Variants in ADAMTS12 observed in about 807,000 individuals in gnomAD.
ADAMTS12 encodes ADAM metallopeptidase with thrombospondin type 1 motif 12.
ADAMTS12 carries 118 observed loss-of-function variants against 167.8 expected under a neutral mutation model. That is an observed-to-expected ratio of 0.70 (90% CI 0.61 to 0.82). The LOEUF is 0.82. Ranked by LOEUF, ADAMTS12 falls within the 40% of genes least tolerant of loss-of-function variation. The pLI is 0.00. For synonymous variants in ADAMTS12, 704 were observed against 716.9 expected (o/e 0.98, Z 0.29); for missense variants, 1,916 against 1,998.8 (o/e 0.96, Z 0.79).
intron 2 of ADAMTS12, among the ~76,000 whole-genome samples, chr5:33,773,360 T>C (rs2112428967): frequency 6.6e-6 from 1 of 152,300 alleles, no homozygotes; most frequent in South Asian, 2.1e-4. Context: ...TTTTCACTCT[T>C]CTCACATAGG....
At chr5:33,773,456 T>A (rs1219679137) in intron 2 of ADAMTS12, among the ~76,000 whole-genome samples, 2 of 152,204 alleles carry the variant, frequency 1.3e-5, no homozygotes, top group Non-Finnish European at 2.9e-5. Flanking sequence ...GCCTGACATG[T>A]GCTCTAGGCA....
intron 2 of ADAMTS12, among the ~76,000 whole-genome samples, chr5:33,791,996 T>G (rs1365630817): frequency 1.7e-5 from 1 of 59,212 alleles, no homozygotes; most frequent in African/African-American, 9.9e-5. Context: ...GCTTTCACAC[T>G]TTTTTTTTTT....
chr5:33,679,314 C>A (rs761445685), intron 5 of ADAMTS12, among the ~76,000 whole-genome samples: 1 of 152,214 alleles, frequency 6.6e-6, no homozygotes, highest in Non-Finnish European at 1.5e-5. Context: ...CTATAAAGAA[C>A]TGCCCAAGAC....
intron 2 of ADAMTS12, among the ~76,000 whole-genome samples, chr5:33,760,025 C>T (rs190578248): frequency 5.3e-5 from 8 of 152,236 alleles, no homozygotes; most frequent in South Asian, 2.1e-4. Flanking sequence ...AGGAGCCCTG[C>T]GCAGAGATTC....
At chr5:33,550,375 A>C (rs937272946) in intron 20 of ADAMTS12, among the ~76,000 whole-genome samples, 2 of 152,150 alleles carry the variant, frequency 1.3e-5, no homozygotes, top group African/African-American at 4.8e-5. Flanking sequence ...CCTTCTGCTT[A>C]TCTTCCCTCT....
At chr5:33,576,015 T>G (rs1339310163) in intron 19 of ADAMTS12, 39 bp downstream of exon 19, 1 of 1,561,034 alleles carries the variant, frequency 6.4e-7, no homozygotes, top group Non-Finnish European at 8.6e-7. Flanking sequence ...CCTAGCTTTT[T>G]TCCATGTAAA....
chr5:33,807,107 T>C (rs1220381604), intron 2 of ADAMTS12, among the ~76,000 whole-genome samples: 1 of 152,242 alleles, frequency 6.6e-6, no homozygotes, highest in East Asian at 1.9e-4. Context: ...CTAACCATTT[T>C]TCTCCTTTCT....
At chr5:33,804,430 AC>A (rs1039402989) in intron 2 of ADAMTS12, among the ~76,000 whole-genome samples, 3 of 152,012 alleles carry the variant, frequency 2.0e-5, no homozygotes, top group African/African-American at 7.3e-5. Flanking sequence ...CCTGAGCCCA[AC>A]CCTGCATGAG....
chr5:33,737,932 AAAC>A (rs1744427139), intron 3 of ADAMTS12, among the ~76,000 whole-genome samples: 1 of 152,208 alleles, frequency 6.6e-6, no homozygotes. Context: ...GAGAAAATAG[AAAC>A]AAGAAGTAAC....
At chr5:33,756,809 A>G (rs1404540924) in intron 2 of ADAMTS12, among the ~76,000 whole-genome samples, 1 of 152,184 alleles carries the variant, frequency 6.6e-6, no homozygotes, top group Non-Finnish European at 1.5e-5. Context: ...GGTATCAGGG[A>G]TACAGCAACA....
chr5:33,649,732 C>G (rs746826167), intron 7 of ADAMTS12, 35 bp from the exon 8 acceptor site: 3 of 1,608,614 alleles, frequency 1.9e-6, no homozygotes, highest in Admixed American at 1.7e-5. Context: ...GAAGAGCCAG[C>G]AGGCAGGCAT....
At chr5:33,657,646 T>G (rs1025663725) in intron 7 of ADAMTS12, among the ~76,000 whole-genome samples, 1 of 152,190 alleles carries the variant, frequency 6.6e-6, no homozygotes, top group Non-Finnish European at 1.5e-5. Context: ...TTATAGTCTT[T>G]CCAAATTTAC....
chr5:33,553,101 A>G (rs112155094), intron 20 of ADAMTS12, among the ~76,000 whole-genome samples: 31 of 152,252 alleles, frequency 2.0e-4, no homozygotes, highest in African/African-American at 7.0e-4. Flanking sequence ...GCGGTCAACA[A>G]TCACATGAAA....
At chr5:33,626,800 G>C (rs540564929) in intron 13 of ADAMTS12, among the ~76,000 whole-genome samples, 82 of 147,388 alleles carry the variant, frequency 5.6e-4, no homozygotes, top group African/African-American at 2.0e-3. Context: ...GTGGTGATGC[G>C]GTAGGGTAGT....
intron 12 of ADAMTS12, among the ~76,000 whole-genome samples, chr5:33,634,217 C>CTGG (rs1740088483): frequency 6.6e-6 from 1 of 152,148 alleles, no homozygotes; most frequent in South Asian, 2.1e-4. Context: ...TGAGTTTCAT[C>CTGG]ATTTTAAAGA....
At chr5:33,639,937 T>C (rs1183821647) in intron 11 of ADAMTS12, among the ~76,000 whole-genome samples, 1 of 152,200 alleles carries the variant, frequency 6.6e-6, no homozygotes, top group Admixed American at 6.5e-5. Context: ...TGATTCCCTT[T>C]AGGAGGTACC....
At chr5:33,885,205 T>C (rs80196377) in intron 1 of ADAMTS12, among the ~76,000 whole-genome samples, 1,707 of 152,264 alleles carry the variant, frequency 0.011, 29 homozygotes, top group Middle Eastern at 0.11. Context: ...TTTTCAGAAA[T>C]ATGGAAACAA....
At position 33,527,206 on chromosome 5, in the gene ADAMTS12, T is replaced by G; in HGVS notation, c.4767A>C (p.Gln1589His). 1 of 1,614,202 alleles carries G rather than the reference T, an allele frequency of 6.2e-7. No individual in the cohort carries two copies. The highest frequency in any genetic ancestry group is 8.5e-7 in the Non-Finnish European group (1 of 1,180,030). Residue 1589 changes from glutamine to histidine, a missense_variant, in exon 24 of 24, where the codon CAA (glutamine) becomes CAC (histidine). By Grantham distance (24) the Gln-to-His change is conservative (BLOSUM62 0). Coordinates refer to ENST00000504830, the MANE Select transcript of ADAMTS12 (RefSeq NM_030955.4). ...TQRQRRQRLLQKSKEL is the reference protein window; with the variant it reads ...TQRQRRQRLLHKSKEL The stretch of plus-strand genomic sequence containing the variant: ...TTTGGGCTTAGAGTTCTTTTGACTT[T>G]TGGAGCAACCGTTGCCTTCTTTGCC...
intron 2 of ADAMTS12, among the ~76,000 whole-genome samples, chr5:33,785,655 A>G (rs146469308): frequency 2.0e-5 from 3 of 152,306 alleles, no homozygotes; most frequent in Non-Finnish European, 2.9e-5. Flanking sequence ...AATCTAAAAG[A>G]TTAGCAATGC....
Sources: gnomAD v4.1 joint callset for allele counts (sites outside exome capture counted in the v4.1 genomes callset) on GRCh38, gnomAD v4.1.1 for gene constraint, MANE v1.5 for transcripts, NCBI Gene and HGNC (gene_info 2026-07-23, HGNC 2026-07-21) for gene names.